Variants in TTYH2 observed in about 807,000 individuals in gnomAD.
TTYH2 encodes tweety family member 2.
In TTYH2, 49 loss-of-function variants were observed where a neutral mutation model predicts 68.3. The ratio of observed to expected loss-of-function variants is 0.72; its 90% CI spans 0.57 to 0.91. The LOEUF (loss-of-function observed/expected upper bound fraction) is 0.91, where lower values mean the gene tolerates loss of function less well. Among genes scored for constraint, TTYH2 ranks in the 40% least tolerant of loss-of-function variants. The pLI is 0.00. For synonymous variants in TTYH2, 272 were observed against 300.8 expected, an observed-to-expected ratio of 0.90 and a Z score of 0.99; for missense variants, 631 against 700.4, an observed-to-expected ratio of 0.90 and a Z score of 1.12.
chr17:74,220,295 G>C (rs148519165), intron 1 of TTYH2, among the ~76,000 whole-genome samples: 59 of 152,318 alleles, frequency 3.9e-4, no homozygotes, highest in African/African-American at 1.3e-3. Flanking sequence ...AAGTCAGTTT[G>C]AAGAAAAAGT....
rs200211255 is a variant in TTYH2, at chr17:74,244,084, G to A, written c.804+35G>A. On this transcript the variant is annotated intron_variant, in intron 6 of 13. Transcript: ENST00000269346. ...GGGAGGGAGTGGGTGGTGGGTGGTG[G>A]TTGGTCTGCCAGGACACTCTGGTGT... The A allele has an allele frequency of 9.3e-5, 149 of 1,598,486 alleles. 1 individual carries two copies. In the East Asian group the frequency reaches 3.2e-3, roughly 34 times the overall value.
At chr17:74,250,125 C>CT in intron 9 of TTYH2, 97 bp downstream of exon 9, 1 of 1,500,042 alleles carries the variant, frequency 6.7e-7, no homozygotes, top group Non-Finnish European at 9.2e-7. Flanking sequence ...CAGCTTGCTG[C>CT]TGGCTCTCTG....
chr17:74,253,440 C>A (rs952656740), intron 12 of TTYH2, among the ~76,000 whole-genome samples, 174 bp downstream of exon 12: 1 of 152,304 alleles, frequency 6.6e-6, no homozygotes, highest in East Asian at 1.9e-4. Flanking sequence ...CCCCTCCACA[C>A]CCACATGTGC....
chr17:74,225,299 G>T (rs1038281578), intron 2 of TTYH2, among the ~76,000 whole-genome samples: 9 of 152,088 alleles, frequency 5.9e-5, no homozygotes, highest in Non-Finnish European at 1.3e-4. Context: ...GAGGGTCGGG[G>T]TGAGCAATGA....
rs2050480906 is a variant in TTYH2 at position 74,239,771 on chromosome 17, G to A, written c.635+2257G>A. Reference sequence around the variant, plus strand: ...AGAGCCTCCCTCCCAAGGGACAGAAGGAAACTGCCAGCTCTAAGGACTGTC... The same window carrying A: ...AGAGCCTCCCTCCCAAGGGACAGAAAGAAACTGCCAGCTCTAAGGACTGTC... On this transcript the variant is annotated intron_variant, in intron 4 of 13. Coordinates refer to ENST00000269346, the MANE Select transcript of TTYH2 (RefSeq NM_032646.6). This position sits in a 1 kb window ranked among gnomAD's most constrained non-coding sequence, Gnocchi z 5.3. Among the ~76,000 whole-genome samples, 1 of 152,210 alleles carries A rather than the reference G, an allele frequency of 6.6e-6. No homozygotes were observed. Among genetic ancestry groups the A allele is most frequent in the African/African-American group, 2.4e-5 (1 of 41,464 alleles).
Position 74,260,176 on chromosome 17 carries a change from C to T in TTYH2, c.1572C>T (p.His524=). 1 of 1,613,960 alleles carries T rather than the reference C, an allele frequency of 6.2e-7. No homozygotes were observed. The part of the protein sequence containing the change: ...RATYLSVADE[H]LRHYGNQFPA ...CCTACCTGTCTGTGGCGGATGAGCACCTGAGGCACTACGGGAATCAGTTTC... is the reference window on the plus strand; with the variant it reads ...CCTACCTGTCTGTGGCGGATGAGCATCTGAGGCACTACGGGAATCAGTTTC... Residue 524 remains histidine, a synonymous_variant, in exon 14 of 14, where the codon CAC becomes CAT. Coordinates refer to ENST00000269346, the MANE Select transcript of TTYH2 (RefSeq NM_032646.6).
Position 74,233,536 on chromosome 17 carries a change from G to A in TTYH2, c.414+2537G>A, listed in dbSNP as rs762876594. Among the ~76,000 whole-genome samples the A allele has an allele frequency of 9.2e-5, 14 of 152,286 alleles. No individual in the cohort carries two copies. The South Asian group carries it at 2.3e-3, about 25-fold the overall frequency. The stretch of plus-strand genomic sequence containing the variant: ...GGCGGCAGAGGCAGATGGGGGACTC[G>A]TCGACAGGTCAGGCAGGACCTGGAT... On this transcript the variant is annotated intron_variant, in intron 3 of 13. Coordinates refer to ENST00000269346, the MANE Select transcript of TTYH2 (RefSeq NM_032646.6).
At position 74,241,296 on chromosome 17, in the gene TTYH2, T is replaced by TGTGTGTGC. The variant is rs59096145; in HGVS notation, c.636-2077_636-2076insTGTGTGCG. Among the ~76,000 whole-genome samples, 10 of 146,368 alleles carry TGTGTGTGC rather than the reference T, an allele frequency of 6.8e-5. No individual in the cohort carries two copies. Among genetic ancestry groups the TGTGTGTGC allele is most frequent in the Middle Eastern group, 7.0e-3 (2 of 284 alleles). On this transcript the variant is annotated intron_variant, in intron 4 of 13. Coordinates refer to ENST00000269346, the MANE Select transcript of TTYH2 (RefSeq NM_032646.6). The surrounding 1 kb of genome is among the most constrained non-coding windows in gnomAD (Gnocchi z 4.1). Reference sequence around the variant, plus strand: ...GTGTGTGTGTGTGTGTGTGTGTGTGTGCGTGTAAAAATAAGAATGTGATCC... The same window carrying TGTGTGTGC: ...GTGTGTGTGTGTGTGTGTGTGTGTGTGTGTGTGCGCGTGTAAAAATAAGAATGTGATCC...
rs35080135 is a variant in TTYH2 at position 74,227,983 on chromosome 17, C to CTTTTTTTTTTTTTTTTT, written c.303-2903_303-2887dup. On this transcript the variant is annotated intron_variant, in intron 2 of 13. Coordinates refer to ENST00000269346, the MANE Select transcript of TTYH2 (RefSeq NM_032646.6). ...GAAGGAGGTTTCTTTTCTTTTCTTT[C>CTTTTTTTTTTTTTTTTT]TTTTTTTTTTTTTTTTTTGAGATAG... Among the ~76,000 whole-genome samples, 23 of 112,504 alleles carry CTTTTTTTTTTTTTTTTT rather than the reference C, an allele frequency of 2.0e-4. 2 individuals carry two copies. The highest frequency in any genetic ancestry group is 9.7e-4 in the African/African-American group (21 of 21,540). 73.8% of individuals were successfully genotyped at this position (112,504 alleles called of 152,430 possible).
intron 2 of TTYH2, among the ~76,000 whole-genome samples, chr17:74,228,224 T>TCTGC (rs2050351860): frequency 6.6e-6 from 1 of 152,162 alleles, no homozygotes; most frequent in South Asian, 2.1e-4. Flanking sequence ...CCTCAGATGA[T>TCTGC]CTGCCTGCCT....
chr17:74,216,420 C>T (rs961281426), intron 1 of TTYH2, among the ~76,000 whole-genome samples: 6 of 152,056 alleles, frequency 3.9e-5, no homozygotes, highest in African/African-American at 1.4e-4. Context: ...ATCTCAAAGG[C>T]AAGGGGGTTC....
rs778150763 is a variant in TTYH2 at position 74,249,008 on chromosome 17, C to T, written c.805-3C>T. The T allele has an allele frequency of 6.2e-7, 1 of 1,614,190 alleles. No individual in the cohort carries two copies. Among genetic ancestry groups the T allele is most frequent in the South Asian group, 1.1e-5 (1 of 91,084 alleles). On this transcript the variant is annotated splice_polypyrimidine_tract_variant and splice_region_variant and intron_variant, in intron 6 of 13. Coordinates refer to ENST00000269346, the MANE Select transcript of TTYH2 (RefSeq NM_032646.6). ...CCACCCCGTCCCTCTCTCCCTCACTCAGGCCACCAGTGACTTCTGTGTGGC... is the reference window on the plus strand; with the variant it reads ...CCACCCCGTCCCTCTCTCCCTCACTTAGGCCACCAGTGACTTCTGTGTGGC...
intron 3 of TTYH2, among the ~76,000 whole-genome samples, chr17:74,231,608 C>T (rs931811596): frequency 3.3e-5 from 5 of 151,638 alleles, no homozygotes; most frequent in Non-Finnish European, 7.4e-5. Flanking sequence ...GCCTGGGAAG[C>T]GGAGGTTGCA....
chr17:74,247,683 C>G (rs1036872924), intron 6 of TTYH2, among the ~76,000 whole-genome samples: 16 of 152,322 alleles, frequency 1.1e-4, no homozygotes, highest in African/African-American at 3.8e-4. Context: ...TCCACTTGGG[C>G]CTGGCTGCAC....
chr17:74,220,659 G>T (rs1401591778), intron 1 of TTYH2, among the ~76,000 whole-genome samples: 1 of 152,214 alleles, frequency 6.6e-6, no homozygotes, highest in Admixed American at 6.5e-5. Context: ...GCTGGGGTCA[G>T]TCCCGGGGAC....
At chr17:74,246,204 T>C (rs2050556246) in intron 6 of TTYH2, among the ~76,000 whole-genome samples, 1 of 152,042 alleles carries the variant, frequency 6.6e-6, no homozygotes, top group Admixed American at 6.6e-5. Context: ...TTCAGGGGAT[T>C]CCTCCAGCTA....
chr17:74,213,775 C>G lies in TTYH2; in HGVS notation c.129+59C>G. On this transcript the variant is annotated intron_variant, in intron 1 of 13. Coordinates refer to ENST00000269346, the MANE Select transcript of TTYH2 (RefSeq NM_032646.6). This position sits in a 1 kb window ranked among gnomAD's most constrained non-coding sequence, Gnocchi z 6.1. ...GCGCCCCAAGTCCCCGCACTACCCC[C>G]TCTCCCCTCGAGAGCCTGCACTTTC... The G allele has an allele frequency of 6.3e-7, 1 of 1,579,686 alleles. No individual in the cohort carries two copies. The highest frequency in any genetic ancestry group is 8.6e-7 in the Non-Finnish European group (1 of 1,161,484).
chr17:74,227,981 TTC>T (rs1157748665), intron 2 of TTYH2, among the ~76,000 whole-genome samples: 12 of 134,264 alleles, frequency 8.9e-5, no homozygotes, highest in African/African-American at 4.3e-4. Flanking sequence ...TTTCTTTTCT[TTC>T]TTTTTTTTTT....
Position 74,215,139 on chromosome 17 carries a change from G to A in TTYH2, c.129+1423G>A, listed in dbSNP as rs761902806. Among the ~76,000 whole-genome samples, 8 of 151,676 alleles carry A rather than the reference G, an allele frequency of 5.3e-5. No homozygotes were observed. The highest frequency in any genetic ancestry group is 1.0e-4 in the Non-Finnish European group (7 of 67,966). ...AATCTTCCTCTCCCAGAGAATGCAT[G>A]AAAAGAGGCGGATATGATTTCAGAA... is the stretch of plus-strand genomic sequence containing the variant. On this transcript the variant is annotated intron_variant, in intron 1 of 13. Transcript: ENST00000269346. This position sits in a 1 kb window ranked among gnomAD's most constrained non-coding sequence, Gnocchi z 4.3.
Sources: gnomAD v4.1 joint callset for allele counts (sites outside exome capture counted in the v4.1 genomes callset) on GRCh38, gnomAD v4.1.1 for gene constraint, Gnocchi (gnomAD v3.1) non-coding constraint, MANE v1.5 for transcripts, NCBI Gene and HGNC (gene_info 2026-07-23, HGNC 2026-07-21) for gene names.